The following SUGP1 variants were observed in gnomAD, a reference collection of about 807,000 sequenced individuals.
SUGP1 encodes SURP and G-patch domain containing 1, also known as SURP and G-patch domain-containing protein 1.
In SUGP1, 34 loss-of-function variants were observed where a neutral mutation model predicts 76.5. That is an observed-to-expected ratio of 0.44 (90% confidence interval 0.34 to 0.59). The LOEUF is 0.59. SUGP1 is among the 20% of genes least tolerant of loss of function. The pLI is 0.01. For synonymous variants in SUGP1, 326 were observed against 326.2 expected, an observed-to-expected ratio of 1.00 and a Z score of 0.01; for missense variants, 752 against 851.7, an observed-to-expected ratio of 0.88 and a Z score of 1.46.
At chr19:19,296,755 C>T (rs940244847) in intron 8 of SUGP1, among the ~76,000 whole-genome samples, 3 of 152,170 alleles carry the variant, frequency 2.0e-5, no homozygotes, top group African/African-American at 7.2e-5. Flanking sequence ...TTCAGATAGT[C>T]ACAGCAGTAT....
chr19:19,302,228 A>G, intron 7 of SUGP1, 37 bp downstream of exon 7: 1 of 1,611,824 alleles, frequency 6.2e-7, no homozygotes. Flanking sequence ...GACTGTGGCC[A>G]GGGTGACGGT....
intron 8 of SUGP1, among the ~76,000 whole-genome samples, chr19:19,288,314 C>T (rs972240680): frequency 1.5e-4 from 23 of 152,198 alleles, no homozygotes; most frequent in African/African-American, 4.8e-4. Context: ...TATAGATGCA[C>T]ACCACACAGC....
At chr19:19,316,029 TC>T (rs2146631262) in intron 2 of SUGP1, among the ~76,000 whole-genome samples, 1 of 152,214 alleles carries the variant, frequency 6.6e-6, no homozygotes, top group Admixed American at 6.5e-5. Context: ...AGATGGGGTT[TC>T]ACTATGTTGG....
At chr19:19,285,467 T>G (rs1429646244) in intron 8 of SUGP1, among the ~76,000 whole-genome samples, 1 of 150,608 alleles carries the variant, frequency 6.6e-6, no homozygotes, top group Non-Finnish European at 1.5e-5. Context: ...GTACCCGGCC[T>G]CAAATAGGTT....
At chr19:19,308,665 T>G (rs1035756193) in intron 3 of SUGP1, among the ~76,000 whole-genome samples, 1 of 152,270 alleles carries the variant, frequency 6.6e-6, no homozygotes, top group Non-Finnish European at 1.5e-5. Flanking sequence ...CTGAAAACCC[T>G]GTATGCAGAA....
chr19:19,319,754 C>T (rs1411096473), intron 1 of SUGP1, among the ~76,000 whole-genome samples: 1 of 150,714 alleles, frequency 6.6e-6, no homozygotes. Context: ...AAAGGTCTTT[C>T]CTGACTACCC....
At chr19:19,288,416 A>C (rs1025554761) in intron 8 of SUGP1, among the ~76,000 whole-genome samples, 1 of 152,196 alleles carries the variant, frequency 6.6e-6, no homozygotes, top group African/African-American at 2.4e-5. Flanking sequence ...CATATAACAT[A>C]TAAAAAGCAT....
At chr19:19,310,278 G>A in intron 2 of SUGP1, 78 bp from the exon 3 acceptor site, 1 of 1,117,692 alleles carries the variant, frequency 8.9e-7, no homozygotes. Context: ...GGATGAGGAT[G>A]AGGCCATCAC....
At chr19:19,315,613 C>G (rs578114413) in intron 2 of SUGP1, among the ~76,000 whole-genome samples, 91 of 152,326 alleles carry the variant, frequency 6.0e-4, no homozygotes, top group African/African-American at 2.0e-3. Flanking sequence ...GGCTGGCCCT[C>G]CACATATGGG....
chr19:19,306,165 G>T, intron 3 of SUGP1, 89 bp from the exon 4 acceptor site: 1 of 1,300,394 alleles, frequency 7.7e-7, no homozygotes, highest in Non-Finnish European at 1.0e-6. Context: ...GGGCCCCGGG[G>T]GAGCTGGGTC....
chr19:19,283,734 G>GT (rs1367223920), intron 8 of SUGP1, among the ~76,000 whole-genome samples: 1 of 152,186 alleles, frequency 6.6e-6, no homozygotes, highest in African/African-American at 2.4e-5. Flanking sequence ...GATTACAGGC[G>GT]TGAGCCACCA....
At position 19,297,188 on chromosome 19, in the gene SUGP1, G is replaced by C. The variant is rs150841061; in HGVS notation, c.1044C>G (p.Pro348=). The C allele has an allele frequency of 1.2e-6, 2 of 1,609,592 alleles. No individual in the cohort carries two copies. The highest frequency in any genetic ancestry group is 1.7e-6 in the Non-Finnish European group (2 of 1,176,540). The part of the protein sequence containing the change: ...SPPEALSGSL[P]PATTCPASST... ...ACGAGGCGGGGCAGGTGGTGGCTGG[G>C]GGTAAGGACCCTGACAGGGCCTCAG... The change falls in exon 8 of 14, where the codon CCC becomes CCG. Residue 348 remains proline (P), a synonymous_variant. Transcript: ENST00000247001.
intron 8 of SUGP1, among the ~76,000 whole-genome samples, chr19:19,287,201 G>A (rs1303937389): frequency 1.3e-5 from 2 of 152,104 alleles, no homozygotes; most frequent in East Asian, 1.9e-4. Context: ...ACCCCAGAGC[G>A]CAGAGGCTGC....
chr19:19,314,244 A>G (rs1293565626), intron 2 of SUGP1, among the ~76,000 whole-genome samples: 1 of 152,082 alleles, frequency 6.6e-6, no homozygotes, highest in African/African-American at 2.4e-5. Flanking sequence ...AATCTCCTGA[A>G]TCCAACAGGC....
intron 1 of SUGP1, among the ~76,000 whole-genome samples, chr19:19,319,706 C>CAAAAAAAAAAAAAAAAAAAAA (rs570232030): frequency 4.3e-5 from 3 of 69,310 alleles, no homozygotes; most frequent in Non-Finnish European, 5.9e-5. Context: ...GACCCTGTCT[C>CAAAAAAAAAAAAAAAAAAAAA]AAAAAAAAAA....
chr19:19,282,797 G>A (rs960876118), intron 8 of SUGP1, among the ~76,000 whole-genome samples: 2 of 152,186 alleles, frequency 1.3e-5, no homozygotes, highest in African/African-American at 4.8e-5. Flanking sequence ...GTTAGGTGTG[G>A]CCAGGCACGG....
At chr19:19,306,688 A>G (rs1163842686) in intron 3 of SUGP1, among the ~76,000 whole-genome samples, 2 of 152,230 alleles carry the variant, frequency 1.3e-5, no homozygotes, top group East Asian at 1.9e-4. Flanking sequence ...CGATTTACCC[A>G]CCTGGCATAT....
chr19:19,280,612 T>G, intron 8 of SUGP1: 2 of 304,540 alleles, frequency 6.6e-6, no homozygotes, highest in Non-Finnish European at 1.3e-5. Context: ...GGGCAGGAAT[T>G]TGCAGAGCCA....
chr19:19,289,662 C>T (rs865952683), intron 8 of SUGP1, among the ~76,000 whole-genome samples: 1 of 151,982 alleles, frequency 6.6e-6, no homozygotes, highest in Non-Finnish European at 1.5e-5. Context: ...GCAGGAGGAT[C>T]GCTTGAACCT....
Sources: gnomAD v4.1 joint callset for allele counts (sites outside exome capture counted in the v4.1 genomes callset) on GRCh38, gnomAD v4.1.1 for gene constraint, MANE v1.5 for transcripts, NCBI Gene and HGNC (gene_info 2026-07-23, HGNC 2026-07-21) for gene names.